Variants in COL1A2 observed in about 807,000 individuals in gnomAD.
The protein encoded by COL1A2 is collagen alpha-2(I) chain.
A neutral mutation model predicts 174.3 loss-of-function variants in COL1A2; 49 were observed. The observed-to-expected ratio is 0.28, with a 90% CI of 0.22 to 0.36. COL1A2 has a LOEUF of 0.36. COL1A2 is among the 10% of genes least tolerant of loss of function. The pLI, the probability that COL1A2 is intolerant of heterozygous loss-of-function variation, is 1.00. For synonymous variants in COL1A2, 655 were observed against 606.6 expected, an observed-to-expected ratio of 1.08 and a Z score of -1.17; for missense variants, 1,438 against 1,822.7, an observed-to-expected ratio of 0.79 and a Z score of 3.84.
At chr7:94,409,642 A>G (rs372049134) in intron 18 of COL1A2, 34 bp downstream of exon 18, 8 of 1,613,860 alleles carry the variant, frequency 5.0e-6, no homozygotes, top group African/African-American at 4.0e-5. Flanking sequence ...ATGTGCTGCT[A>G]TGATTTTAAA....
At chr7:94,424,963 T>C in intron 41 of COL1A2, 154 bp from the exon 42 acceptor site, 1 of 695,974 alleles carries the variant, frequency 1.4e-6, no homozygotes, top group Non-Finnish European at 2.6e-6. Flanking sequence ...GCAGAGATGA[T>C]ACTAATGATA....
chr7:94,426,236 C>T (rs1431946104), intron 45 of COL1A2, among the ~76,000 whole-genome samples, 185 bp downstream of exon 45: 1 of 152,144 alleles, frequency 6.6e-6, no homozygotes, highest in Non-Finnish European at 1.5e-5. Context: ...TTGTATTAAA[C>T]AATTACAAGG....
rs1009671128 is a variant in COL1A2, at chr7:94,409,366, C to T, written c.837C>T (p.Ala279=). The T allele has an allele frequency of 2.4e-5, 39 of 1,614,040 alleles. No individual in the cohort carries two copies. Among genetic ancestry groups the T allele is most frequent in the African/African-American group, 9.3e-5 (7 of 74,918 alleles). ...AVGNAGPAGP[A]GPRGEVGLPG... is the part of the protein sequence containing the mutation. ...GTAACGCTGGTCCTGCTGGTCCCGC[C>T]GGTCCCCGTGGTGAAGTGGGTCTTC... The change falls in exon 17 of 52, where the codon GCC becomes GCT. Residue 279 remains alanine (A), a synonymous_variant. Transcript: ENST00000297268.
Position 94,410,254 on chromosome 7 carries a change from C to T in COL1A2, c.1048C>T (p.Pro350Ser), listed in dbSNP as rs201463779. 29 of 1,613,816 alleles carry T rather than the reference C, an allele frequency of 1.8e-5. No individual in the cohort carries two copies. The East Asian group carries it at 5.8e-4, about 32-fold the overall frequency. The stretch of plus-strand genomic sequence containing the variant: ...TATTGAACCCTAGGGTGAGCCTGGT[C>T]CAGCTGGCTCCAAAGGAGAGAGCGG... Reference protein sequence around the residue: ...GARGLVGEPGPAGSKGESGNK... With the variant: ...GARGLVGEPGSAGSKGESGNK... Residue 350 changes from proline (P) to serine (S), a missense_variant, in exon 20 of 52, where the codon CCA (proline) becomes TCA (serine). Physicochemically the swap from Pro to Ser is moderately conservative, Grantham distance 74. Around this residue, in one of 3 missense-constraint regions of COL1A2, gnomAD observed 867 missense variants for 1,213.7 expected, o/e 0.71. Coordinates refer to ENST00000297268, the MANE Select transcript of COL1A2 (RefSeq NM_000089.4).
rs564348878 is a variant in COL1A2 at position 94,414,034 on chromosome 7, A to G, written c.1665+87A>G. 2.9e-6 allele frequency: 4 copies of G among 1,394,004 alleles called. No individual in the cohort carries two copies. The African/African-American group carries it at 5.7e-5, about 20-fold the overall frequency. The allele number at this position is 1,394,004 out of a possible 1,614,324, so 86.4% of individuals were successfully genotyped here. ...ATACCGTACCTCTCTTCTCCACCAC[A>G]ATAAACATGATTTCAGGACTGAAGC... On this transcript the variant is annotated intron_variant, in intron 28 of 51. Transcript: ENST00000297268.
intron 6 of COL1A2, 84 bp downstream of exon 6, chr7:94,401,704 A>G: frequency 1.0e-6 from 1 of 981,908 alleles, no homozygotes; most frequent in Middle Eastern, 3.0e-4. Context: ...CCATTTATTT[A>G]GCTACCTAAG....
chr7:94,415,264 T>C lies in COL1A2; in HGVS notation c.1758T>C (p.Gly586=). ...AGTTTGGTCTCCCTGGTCCTGCTGGTCCAAGAGTAAGTGTTACTTCATTAA... is the reference window on the plus strand; with the variant it reads ...AGTTTGGTCTCCCTGGTCCTGCTGGCCCAAGAGTAAGTGTTACTTCATTAA... ...HGEFGLPGPA[G]PRGERGPPGE... is the part of the protein sequence containing the mutation. Residue 586 remains glycine, a synonymous_variant, in exon 30 of 52, where the codon GGT becomes GGC. Transcript: ENST00000297268. 6.2e-7 allele frequency: 1 copy of C among 1,613,798 alleles called. No individual in the cohort carries two copies.
At chr7:94,408,419 A>G (rs1791850020) in intron 15 of COL1A2, 39 bp downstream of exon 15, 1 of 1,603,484 alleles carries the variant, frequency 6.2e-7, no homozygotes, top group South Asian at 1.1e-5. Flanking sequence ...GGAGTTGAGA[A>G]TGTGGGGTGG....
chr7:94,428,762 C>T (rs1032244934), intron 50 of COL1A2, among the ~76,000 whole-genome samples: 1 of 152,192 alleles, frequency 6.6e-6, no homozygotes, highest in Non-Finnish European at 1.5e-5. Flanking sequence ...ATATGCCACA[C>T]TCATACATAT....
At chr7:94,407,715 ACAAT>A in intron 12 of COL1A2, 128 bp from the exon 13 acceptor site, 2 of 768,380 alleles carry the variant, frequency 2.6e-6, no homozygotes, top group South Asian at 1.7e-5. Context: ...TAATTGAAAA[ACAAT>A]CTATATGTGT....
chr7:94,405,553 A>G (rs532727989), intron 10 of COL1A2, 120 bp from the exon 11 acceptor site: 3 of 917,540 alleles, frequency 3.3e-6, no homozygotes, highest in Non-Finnish European at 5.5e-6. Flanking sequence ...GCTTAGAGGT[A>G]TACTAGACTT....
intron 30 of COL1A2, among the ~76,000 whole-genome samples, chr7:94,416,070 AC>A (rs1792036318): frequency 6.6e-6 from 1 of 152,176 alleles, no homozygotes; most frequent in South Asian, 2.1e-4. Context: ...TTCTTTGAAT[AC>A]TACACATAAC....
intron 26 of COL1A2, 48 bp downstream of exon 26, chr7:94,413,184 G>A (rs1791967203): frequency 1.3e-6 from 2 of 1,565,930 alleles, no homozygotes; most frequent in Non-Finnish European, 1.8e-6. Context: ...ATTCATCTAA[G>A]AACCACACTT....
At position 94,409,382 on chromosome 7, in the gene COL1A2, G is replaced by T. The variant is rs751541809; in HGVS notation, c.853G>T (p.Val285Leu). ...PAGPAGPRGE[V>L]GLPGLSGPVG... ...TGGTCCCGCCGGTCCCCGTGGTGAA[G>T]TGGGTCTTCCAGGCCTCTCCGGCCC... is the stretch of plus-strand genomic sequence containing the variant. The change falls in exon 17 of 52, where the codon GTG (valine) becomes TTG (leucine). Residue 285 changes from valine to leucine, a missense_variant. Physicochemically the swap from Val to Leu is conservative, Grantham distance 32. Coordinates refer to ENST00000297268, the MANE Select transcript of COL1A2 (RefSeq NM_000089.4). The T allele has an allele frequency of 4.4e-5, 71 of 1,614,206 alleles. 1 individual carries two copies. The South Asian group carries it at 7.6e-4, about 17-fold the overall frequency.
At chr7:94,418,376 TA>T in intron 32 of COL1A2, 122 bp from the exon 33 acceptor site, 1 of 763,686 alleles carries the variant, frequency 1.3e-6, no homozygotes, top group Non-Finnish European at 2.3e-6. Flanking sequence ...GAGACATTGC[TA>T]AAAATCTTAA....
chr7:94,425,926 TG>T (rs1792264240), intron 44 of COL1A2, 69 bp downstream of exon 44: 1 of 1,603,956 alleles, frequency 6.2e-7, no homozygotes, highest in Non-Finnish European at 8.5e-7. Context: ...TCCCCACACT[TG>T]GGGATGGTGG....
In COL1A2 at chr7:94,427,315, A is replaced by G; in HGVS notation, c.3267+20A>G. The G allele has an allele frequency of 6.3e-7, 1 of 1,588,706 alleles. No homozygotes were observed. The highest frequency in any genetic ancestry group is 8.6e-7 in the Non-Finnish European group (1 of 1,163,598). Reference sequence around the variant, plus strand: ...CCTGCTGTAAGTATGATTTGGGGAAATAATAAAGAAGATCACGGACCTAAG... The same window carrying G: ...CCTGCTGTAAGTATGATTTGGGGAAGTAATAAAGAAGATCACGGACCTAAG... On this transcript the variant is annotated intron_variant, in intron 48 of 51. Transcript: ENST00000297268.
At chr7:94,427,411 C>T (rs746953619) in intron 48 of COL1A2, 116 bp downstream of exon 48, 5 of 1,133,206 alleles carry the variant, frequency 4.4e-6, no homozygotes, top group East Asian at 2.5e-5. Flanking sequence ...TCAATATATC[C>T]TCTAAAATAT....
chr7:94,409,366 C>G lies in COL1A2; in HGVS notation c.837C>G (p.Ala279=). The G allele has an allele frequency of 1.9e-6, 3 of 1,614,158 alleles. No individual in the cohort carries two copies. The highest frequency in any genetic ancestry group is 2.5e-6 in the Non-Finnish European group (3 of 1,180,008). ...GTAACGCTGGTCCTGCTGGTCCCGC[C>G]GGTCCCCGTGGTGAAGTGGGTCTTC... ...AVGNAGPAGP[A]GPRGEVGLPG... Residue 279 remains alanine (A), a synonymous_variant, in exon 17 of 52, where the codon GCC becomes GCG. Transcript: ENST00000297268.
Sources: gnomAD v4.1 joint callset for allele counts (sites outside exome capture counted in the v4.1 genomes callset) on GRCh38, gnomAD v4.1.1 for gene constraint, gnomAD v4.1.1 regional missense constraint, MANE v1.5 for transcripts, NCBI Gene and HGNC (gene_info 2026-07-23, HGNC 2026-07-21) for gene names.